Variants in INPP5E observed in about 807,000 individuals in gnomAD.
INPP5E encodes phosphatidylinositol polyphosphate 5-phosphatase type IV.
In INPP5E, 34 loss-of-function variants were observed where a neutral mutation model predicts 50.5. The ratio of observed to expected loss-of-function variants is 0.67; its 90% CI spans 0.51 to 0.90. The LOEUF (loss-of-function observed/expected upper bound fraction) is 0.90. Among genes scored for constraint, INPP5E ranks in the 40% least tolerant of loss-of-function variants. INPP5E has a pLI of 0.00. For synonymous variants in INPP5E, 447 were observed against 406.0 expected, an observed-to-expected ratio of 1.10 and a Z score of -1.21; for missense variants, 942 against 905.5, an observed-to-expected ratio of 1.04 and a Z score of -0.52.
At chr9:136,430,858 G>T in intron 8 of INPP5E, 144 bp downstream of exon 8, 1 of 690,176 alleles carries the variant, frequency 1.4e-6, no homozygotes, top group South Asian at 1.6e-5. Context: ...CACCAAAGGG[G>T]ACTTGCCACA....
rs1359272233 is a variant in INPP5E at position 136,431,846 on chromosome 9, C to T, written c.1527G>A (p.Gln509=). 6.8e-6 allele frequency: 11 copies of T among 1,607,736 alleles called. No individual in the cohort carries two copies. In the South Asian group the frequency reaches 8.8e-5, roughly 13 times the overall value. The change falls in exon 7 of 10, where the codon CAG becomes CAA. Residue 509 remains glutamine, a synonymous_variant. Transcript: ENST00000371712. ...CACCTTTCCGCATCTCCCGGATGAGCTGGTCGTGCTGCAGCAGCGCCGGCA... is the reference window on the plus strand; with the variant it reads ...CACCTTTCCGCATCTCCCGGATGAGTTGGTCGTGCTGCAGCAGCGCCGGCA... ...VDVPALLQHD[Q]LIREMRKGSI...
rs1835647492 is a variant in INPP5E at position 136,429,433 on chromosome 9, C to T, written c.*242G>A. The T allele has an allele frequency of 6.6e-6, 4 of 610,288 alleles. No individual in the cohort carries two copies. The highest frequency in any genetic ancestry group is 2.5e-5 in the Admixed American group (1 of 39,636). 37.8% of individuals were successfully genotyped at this position (610,288 alleles called of 1,614,324 possible). The stretch of plus-strand genomic sequence containing the variant: ...TGCTGGGCGGGTCCAAACCCTGCCA[C>T]CCATGCTGTATGGACCTGCCATGGA... On this transcript the variant is annotated 3_prime_UTR_variant, in exon 10 of 10. Transcript: ENST00000371712.
In INPP5E at chr9:136,438,916, G is replaced by T; in HGVS notation, c.504C>A (p.Ser168=). Residue 168 remains serine (S), a synonymous_variant, in exon 1 of 10, where the codon TCC becomes TCA. Transcript: ENST00000371712. ...CGGCGTCTCTGTGCGGGAGGTTCGG[G>T]GAGCTGCTGGCCACCCCAGAGAGAG... is the stretch of plus-strand genomic sequence containing the variant. ...GNPLSGVASS[S]PNLPHRDAAV... is the part of the protein sequence containing the mutation. 3 of 1,574,130 alleles carry T rather than the reference G, an allele frequency of 1.9e-6. No homozygotes were observed. The highest frequency in any genetic ancestry group is 1.9e-5 in the Admixed American group (1 of 53,156).
chr9:136,436,788 T>C (rs1309504504), intron 1 of INPP5E: 1 of 152,284 alleles, frequency 6.6e-6, no homozygotes, highest in African/African-American at 2.4e-5. Context: ...TGGTCCCCAC[T>C]GTCTGTGTCT....
Position 136,428,930 on chromosome 9 carries a change from G to C in INPP5E, c.*745C>G, listed in dbSNP as rs1835634601. ...AAACGGTCTACGTCACCAAGACCATGAGACGGTTTCAAAAATGGTCTACGT... is the reference window on the plus strand; with the variant it reads ...AAACGGTCTACGTCACCAAGACCATCAGACGGTTTCAAAAATGGTCTACGT... On this transcript the variant is annotated 3_prime_UTR_variant, in exon 10 of 10. Coordinates refer to ENST00000371712, the MANE Select transcript of INPP5E (RefSeq NM_019892.6). The C allele has an allele frequency of 6.5e-6, 1 of 152,934 alleles. No individual in the cohort carries two copies. Among genetic ancestry groups the C allele is most frequent in the South Asian group, 2.1e-4 (1 of 4,874 alleles). 9.5% of individuals were successfully genotyped at this position (152,934 alleles called of 1,614,324 possible).
In INPP5E at chr9:136,431,985, G is replaced by A. The variant is rs199956627; in HGVS notation, c.1388C>T (p.Ala463Val). 85 of 1,612,640 alleles carry A rather than the reference G, an allele frequency of 5.3e-5. No individual in the cohort carries two copies. In the Middle Eastern group the frequency reaches 1.5e-3, roughly 28 times the overall value. ...CTCATCGAAGCGGGTGGTGACGTCC[G>A]CTGCGGCACAGTGGGCCATGTGTGG... ...PDTNPYRSSAADVTTRFDEVF... is the reference protein window; with the variant it reads ...PDTNPYRSSAVDVTTRFDEVF... The change falls in exon 7 of 10, where the codon GCG becomes GTG. Residue 463 changes from alanine to valine, a missense_variant and splice_region_variant. Transcript: ENST00000371712.
Position 136,439,370 on chromosome 9 carries a change from GGCT to G in INPP5E, c.47_49del (p.Gln16del). 6.9e-7 allele frequency: 1 copy of G among 1,456,366 alleles called. No homozygotes were observed. Among genetic ancestry groups the G allele is most frequent in the Non-Finnish European group, 9.0e-7 (1 of 1,110,572 alleles). The allele number at this position is 1,456,366 out of a possible 1,614,324, so 90.2% of individuals were successfully genotyped here. A position where few individuals can be genotyped will look rare whatever the true frequency, so the allele number is the denominator to read the frequency against. On this transcript the variant is annotated inframe_deletion, in exon 1 of 10. Transcript: ENST00000371712. ...TCCTTGGAGCGTCCTCCCTTCCGGCGGCTGCGGGGCCGGCTCGGAGGGCCGCAG... is the reference window on the plus strand; with the variant it reads ...TCCTTGGAGCGTCCTCCCTTCCGGCGGCGGGGCCGGCTCGGAGGGCCGCAG...
rs1323862250 is a variant in INPP5E, at chr9:136,432,953, TAC to T, written c.1279+1_1279+2del. On this transcript the variant is annotated splice_donor_variant, in intron 5 of 9. Transcript: ENST00000371712. LOFTEE classifies it high-confidence loss of function. ...CCTGCGGTGCGGGCACCAAGCAACT[TAC>T]AGGTGAAGTGGGACGTGATGAAGAG... 3.7e-6 allele frequency: 6 copies of T among 1,612,630 alleles called. No individual in the cohort carries two copies. The highest frequency in any genetic ancestry group is 4.2e-6 in the Non-Finnish European group (5 of 1,179,602).
In INPP5E at chr9:136,438,681, C is replaced by A. The variant is rs749897420; in HGVS notation, c.739G>T (p.Asp247Tyr). 8 of 1,596,236 alleles carry A rather than the reference C, an allele frequency of 5.0e-6. No homozygotes were observed. The Admixed American group carries it at 1.2e-4, about 24-fold the overall frequency. The part of the protein sequence containing the change: ...GRPRSPLACD[D>Y]CSLRSAKSSF... ...GATTTGGCCGAGCGAAGGGAACAGT[C>A]GTCGCAGGCCAGGGGGCTCCGCGGC... Residue 247 changes from aspartate to tyrosine, a missense_variant, in exon 1 of 10, where the codon GAC (aspartate) becomes TAC (tyrosine). Asp to Tyr is a radical substitution (Grantham distance 160). Coordinates refer to ENST00000371712, the MANE Select transcript of INPP5E (RefSeq NM_019892.6).
chr9:136,434,684 C>T, intron 2 of INPP5E, 56 bp downstream of exon 2: 6 of 1,564,630 alleles, frequency 3.8e-6, no homozygotes, highest in Non-Finnish European at 5.2e-6. Context: ...CCCTCACCCG[C>T]CTTTGTCCAG....
chr9:136,430,936 G>C (rs541897913), intron 8 of INPP5E, 66 bp downstream of exon 8: 2 of 1,143,858 alleles, frequency 1.7e-6, no homozygotes, highest in South Asian at 2.5e-5. Flanking sequence ...GCCAGGCATC[G>C]GTTCCCGGCT....
rs1310994013 is a variant in INPP5E at position 136,434,829 on chromosome 9, C to T, written c.847G>A (p.Ala283Thr). 3 of 1,611,316 alleles carry T rather than the reference C, an allele frequency of 1.9e-6. No individual in the cohort carries two copies. Among genetic ancestry groups the T allele is most frequent in the Non-Finnish European group, 2.5e-6 (3 of 1,179,544 alleles). ...YLEGSLLASG[A>T]LLGADELARY... ...GCCAGCTCATCCGCCCCCAACAGGG[C>T]CCCGCTGGCCAGGAGGCTGCCCTCC... The change falls in exon 2 of 10, where the codon GCC becomes ACC. Residue 283 changes from alanine to threonine, a missense_variant. By Grantham distance (58) the Ala-to-Thr change is moderately conservative. Transcript: ENST00000371712.
In INPP5E at chr9:136,431,002, C is replaced by T. The variant is rs774331779; in HGVS notation, c.1665G>A (p.Thr555=). Residue 555 remains threonine, a splice_region_variant and synonymous_variant, in exon 8 of 10, where the codon ACG becomes ACA. Transcript: ENST00000371712. ...CACCGCAGCGGTGGGCAGGCCTCACCGTGTATGAGGGCGTCCTCTGCTTGG... is the reference window on the plus strand; with the variant it reads ...CACCGCAGCGGTGGGCAGGCCTCACTGTGTATGAGGGCGTCCTCTGCTTGG... ...STSKQRTPSY[T]DRVLYRSRHK... is the part of the protein sequence containing the mutation. The T allele has an allele frequency of 1.1e-5, 17 of 1,598,754 alleles. No homozygotes were observed. Among genetic ancestry groups the T allele is most frequent in the East Asian group, 4.5e-5 (2 of 44,764 alleles).
Position 136,438,819 on chromosome 9 carries a change from T to C in INPP5E, c.601A>G (p.Ile201Val). 1 of 1,611,838 alleles carries C rather than the reference T, an allele frequency of 6.2e-7. No homozygotes were observed. The highest frequency in any genetic ancestry group is 1.1e-5 in the South Asian group (1 of 90,996). The change falls in exon 1 of 10, where the codon ATC becomes GTC. Residue 201 changes from isoleucine (I) to valine (V), a missense_variant. By Grantham distance (29) the Ile-to-Val change is conservative. Coordinates refer to ENST00000371712, the MANE Select transcript of INPP5E (RefSeq NM_019892.6). ...PRPPPALSLDIASDSLRTANK... is the reference protein window; with the variant it reads ...PRPPPALSLDVASDSLRTANK... ...GCTGTCCTCAGGGAGTCGGAGGCGA[T>C]GTCCAGGCTCAGGGCAGGCGGTGGG...
chr9:136,429,353 TG>T lies in INPP5E; in HGVS notation c.*321del. On this transcript the variant is annotated 3_prime_UTR_variant, in exon 10 of 10. Coordinates refer to ENST00000371712, the MANE Select transcript of INPP5E (RefSeq NM_019892.6). Reference sequence around the variant, plus strand: ...GTGACTGCCCCCAGGGCACAGGAGCTGCTCAGGAACGGATTCTGACGTCTGC... The same window carrying T: ...GTGACTGCCCCCAGGGCACAGGAGCTCTCAGGAACGGATTCTGACGTCTGC... 4.4e-6 allele frequency: 2 copies of T among 453,436 alleles called. No individual in the cohort carries two copies. The highest frequency in any genetic ancestry group is 8.2e-6 in the Non-Finnish European group (2 of 244,016). 28.1% of individuals were successfully genotyped at this position (453,436 alleles called of 1,614,324 possible). A position where few individuals can be genotyped will look rare whatever the true frequency, so the allele number is the denominator to read the frequency against.
At chr9:136,432,805 T>C in intron 5 of INPP5E, 151 bp downstream of exon 5, 3 of 1,110,526 alleles carry the variant, frequency 2.7e-6, no homozygotes, top group Non-Finnish European at 3.9e-6. Context: ...CGGGGGTCCT[T>C]GGCGTGCATC....
Position 136,439,223 on chromosome 9 carries a change from C to G in INPP5E, c.197G>C (p.Arg66Pro). Residue 66 changes from arginine to proline, a missense_variant, in exon 1 of 10, where the codon CGA becomes CCA. Transcript: ENST00000371712. ...ATPSGEDPPARAAPIAPRPPA... is the reference protein window; with the variant it reads ...ATPSGEDPPAPAAPIAPRPPA... ...GGGCCGCGGGGCGATGGGTGCTGCT[C>G]GGGCTGGCGGGTCCTCGCCGCTGGG... 6.5e-7 allele frequency: 1 copy of G among 1,530,928 alleles called. No homozygotes were observed. 94.8% of individuals were successfully genotyped at this position (1,530,928 alleles called of 1,614,324 possible).
rs1285467542 is a variant in INPP5E at position 136,439,782 on chromosome 9, C to A, written c.-363G>T. 6 of 176,572 alleles carry A rather than the reference C, an allele frequency of 3.4e-5. No homozygotes were observed. In the East Asian group the frequency reaches 5.8e-4, roughly 17 times the overall value. 10.9% of individuals were successfully genotyped at this position (176,572 alleles called of 1,614,324 possible). On this transcript the variant is annotated 5_prime_UTR_variant, in exon 1 of 10. Coordinates refer to ENST00000371712, the MANE Select transcript of INPP5E (RefSeq NM_019892.6). ...CGCAGACTCCGAAGTCGACCCGGTA[C>A]TCGCGGAGGCCCGGCCGCCCAGAAG...
In INPP5E at chr9:136,432,513, A is replaced by ATT; in HGVS notation, c.1351_1352dup (p.Asn451LysfsTer33). 1 of 1,551,652 alleles carries ATT rather than the reference A, an allele frequency of 6.4e-7. No individual in the cohort carries two copies. Among genetic ancestry groups the ATT allele is most frequent in the South Asian group, 1.2e-5 (1 of 84,172 alleles). The stretch of plus-strand genomic sequence containing the variant: ...AGCGATAGGGGTTGGTGTCGGGCAC[A>ATT]TTTCTGGGCAGGACCAGGGCTTGTA... On this transcript the variant is annotated frameshift_variant, in exon 6 of 10. Transcript: ENST00000371712. LOFTEE classifies it high-confidence loss of function.
Sources: allele counts gnomAD v4.1 joint callset, GRCh38; gene constraint gnomAD v4.1.1; transcripts MANE v1.5; gene names NCBI Gene and HGNC (gene_info 2026-07-23, HGNC 2026-07-21).